Variants in EPS8L1 observed in about 807,000 individuals in gnomAD.
The protein encoded by EPS8L1 is epidermal growth factor receptor kinase substrate 8-like protein 1.
In EPS8L1, 101 loss-of-function variants were observed where a neutral mutation model predicts 91.7. The observed-to-expected ratio is 1.10, with a 90% CI of 0.94 to 1.30. EPS8L1 has a LOEUF of 1.30. Ranked by LOEUF, EPS8L1 falls within the 50% of genes most tolerant of loss-of-function variation. The pLI is 0.00. For missense variants in EPS8L1, 1,114 were observed against 1,017.0 expected (o/e 1.10, Z -1.30); for synonymous variants, 506 against 445.3 (o/e 1.14, Z -1.72).
At position 55,080,164 on chromosome 19, in the gene EPS8L1, G is replaced by A. The variant is rs1195409009; in HGVS notation, c.315G>A (p.Val105=). The A allele has an allele frequency of 3.9e-6, 6 of 1,527,808 alleles. No homozygotes were observed. The South Asian group carries it at 4.9e-5, about 12-fold the overall frequency. The allele number at this position is 1,527,808 out of a possible 1,614,324, so 94.6% of individuals were successfully genotyped here. A position where few individuals can be genotyped will look rare whatever the true frequency, so the allele number is the denominator to read the frequency against. ...AGTCGTACCCACTGGGCGCCATCGTGCGCTGTGACGCGGTGATGCCACCCG... is the reference window on the plus strand; with the variant it reads ...AGTCGTACCCACTGGGCGCCATCGTACGCTGTGACGCGGTGATGCCACCCG... ...ELESYPLGAI[V]RCDAVMPPGR... is the part of the protein sequence containing the mutation. The change falls in exon 6 of 20, where the codon GTG becomes GTA. Residue 105 remains valine, a synonymous_variant. Transcript: ENST00000201647.
At position 55,082,188 on chromosome 19, in the gene EPS8L1, C is replaced by T. The variant is rs1389995713; in HGVS notation, c.990+8C>T. 1.9e-6 allele frequency: 3 copies of T among 1,589,568 alleles called. No individual in the cohort carries two copies. Among genetic ancestry groups the T allele is most frequent in the Non-Finnish European group, 1.7e-6 (2 of 1,167,810 alleles). On this transcript the variant is annotated splice_region_variant and intron_variant, in intron 10 of 19. Coordinates refer to ENST00000201647, the MANE Select transcript of EPS8L1 (RefSeq NM_133180.3). ...TACGCCTTCAGCCTGCTGGTGAGGA[C>T]GCGCCCGCCCCTGGGCCGGGGCGCG...
At chr19:55,086,636 C>CCCCCCCCCCCCCCCCCAGGG in intron 17 of EPS8L1, 78 bp from the exon 18 acceptor site, 32 of 956,854 alleles carry the variant, frequency 3.3e-5, no homozygotes, top group Non-Finnish European at 4.3e-5. Flanking sequence ...CGCTGGAGCG[C>CCCCCCCCCCCCCCCCCAGGG]CCCCCCGCCC....
In EPS8L1 at chr19:55,080,266, C is replaced by T; in HGVS notation, c.417C>T (p.Gly139=). The T allele has an allele frequency of 6.5e-7, 1 of 1,534,014 alleles. No individual in the cohort carries two copies. Among genetic ancestry groups the T allele is most frequent in the Non-Finnish European group, 8.8e-7 (1 of 1,135,834 alleles). Residue 139 remains glycine (G), a synonymous_variant, in exon 6 of 20, where the codon GGC becomes GGT. Transcript: ENST00000201647. ...AGCCCGACGTGCACTTCTTCCAGGGCCTGCGCCTCGGGGTGAGCAGATGGG... is the reference window on the plus strand; with the variant it reads ...AGCCCGACGTGCACTTCTTCCAGGGTCTGCGCCTCGGGGTGAGCAGATGGG... ...RAQPDVHFFQ[G]LRLGAELIRE...
intron 11 of EPS8L1, 48 bp downstream of exon 11, chr19:55,082,397 G>T: frequency 6.2e-7 from 1 of 1,612,392 alleles, no homozygotes. Flanking sequence ...GGGAGGAATC[G>T]GGTTCGACTT....
chr19:55,081,525 G>A lies in EPS8L1; in HGVS notation c.774+33G>A, dbSNP rs1396112290. 1.3e-6 allele frequency: 2 copies of A among 1,526,380 alleles called. No individual in the cohort carries two copies. Among genetic ancestry groups the A allele is most frequent in the East Asian group, 2.3e-5 (1 of 43,220 alleles). The allele number at this position is 1,526,380 out of a possible 1,614,324, so 94.6% of individuals were successfully genotyped here. A position where few individuals can be genotyped will look rare whatever the true frequency, so the allele number is the denominator to read the frequency against. On this transcript the variant is annotated intron_variant, in intron 8 of 19. Coordinates refer to ENST00000201647, the MANE Select transcript of EPS8L1 (RefSeq NM_133180.3). The surrounding 1 kb of genome is among the most constrained non-coding windows in gnomAD (Gnocchi z 4.9). Reference sequence around the variant, plus strand: ...GCTAAGGAAGGGGTCTGGGGGCAGGGCCAGGCGACTGGAGGCGGGGCTAGG... The same window carrying A: ...GCTAAGGAAGGGGTCTGGGGGCAGGACCAGGCGACTGGAGGCGGGGCTAGG...
chr19:55,080,439 T>G (rs977648729), intron 6 of EPS8L1, 161 bp downstream of exon 6: 2 of 1,608,748 alleles, frequency 1.2e-6, no homozygotes. Flanking sequence ...TGGAAGGCAG[T>G]GGGGTTTGAG....
At chr19:55,080,353 G>C (rs79764780) in intron 6 of EPS8L1, 75 bp downstream of exon 6, 56,892 of 1,545,588 alleles carry the variant, frequency 0.037, 1,169 homozygotes, top group Middle Eastern at 0.052. Context: ...AATGGGTGGG[G>C]CCTCTAGGTG....
chr19:55,076,109 A>ATTC (rs2076122739), intron 1 of EPS8L1, among the ~76,000 whole-genome samples, 190 bp downstream of exon 1: 1 of 124,408 alleles, frequency 8.0e-6, no homozygotes. Context: ...GAGGGCCTGG[A>ATTC]CTCCTGGGTC....
Position 55,085,988 on chromosome 19 carries a change from A to G in EPS8L1, c.1518+15A>G. On this transcript the variant is annotated intron_variant, in intron 15 of 19. Transcript: ENST00000201647. ...ACGTACTGGAGGTTAGAGGAGCGGG[A>G]GGCTGAGGGGCAGGAATTAGCCAGC... 1 of 1,608,950 alleles carries G rather than the reference A, an allele frequency of 6.2e-7. No individual in the cohort carries two copies. Among genetic ancestry groups the G allele is most frequent in the Non-Finnish European group, 8.5e-7 (1 of 1,175,756 alleles).
chr19:55,076,366 G>T, intron 1 of EPS8L1, 42 bp from the exon 2 acceptor site: 2 of 1,558,044 alleles, frequency 1.3e-6, no homozygotes, highest in Non-Finnish European at 1.8e-6. Context: ...AGGAATTAGA[G>T]GCTCCTACTG....
Position 55,085,728 on chromosome 19 carries a change from G to C in EPS8L1, c.1386-113G>C, listed in dbSNP as rs1457964832. On this transcript the variant is annotated intron_variant, in intron 14 of 19. Coordinates refer to ENST00000201647, the MANE Select transcript of EPS8L1 (RefSeq NM_133180.3). ...AAATTTCTATTAACAGTATTAACCC[G>C]GCCCCTGCTGTGCCCCCAGCTTGGC... 4.9e-6 allele frequency: 6 copies of C among 1,229,842 alleles called. No individual in the cohort carries two copies. In the Admixed American group the frequency reaches 1.1e-4, roughly 23 times the overall value. The allele number at this position is 1,229,842 out of a possible 1,614,324, so 76.2% of individuals were successfully genotyped here.
At chr19:55,077,829 C>T (rs1249307387) in intron 2 of EPS8L1, among the ~76,000 whole-genome samples, 4 of 150,900 alleles carry the variant, frequency 2.7e-5, no homozygotes, top group Non-Finnish European at 4.4e-5. Context: ...CTTTGTGATC[C>T]GCCCACCTCT....
chr19:55,086,353 C>G (rs1218686378), intron 16 of EPS8L1, 39 bp from the exon 17 acceptor site: 1 of 1,599,736 alleles, frequency 6.3e-7, no homozygotes, highest in Admixed American at 1.7e-5. Context: ...ACTCTGAGTC[C>G]TCTCCCTAAC....
In EPS8L1 at chr19:55,080,364, G is replaced by A. The variant is rs557321930; in HGVS notation, c.429+86G>A. On this transcript the variant is annotated intron_variant, in intron 6 of 19. Coordinates refer to ENST00000201647, the MANE Select transcript of EPS8L1 (RefSeq NM_133180.3). ...CGGAAATGGGTGGGGCCTCTAGGTG[G>A]GGCGGGGCCTGGGGCTAAGGCGGGA... 41 of 1,548,972 alleles carry A rather than the reference G, an allele frequency of 2.6e-5. No homozygotes were observed. The African/African-American group carries it at 5.6e-4, about 21-fold the overall frequency.
Position 55,083,236 on chromosome 19 carries a change from G to GGC in EPS8L1, c.1215-141_1215-140dup, listed in dbSNP as rs2076308304. 8.7e-7 allele frequency: 1 copy of GGC among 1,144,400 alleles called. No homozygotes were observed. Among genetic ancestry groups the GGC allele is most frequent in the Non-Finnish European group, 1.2e-6 (1 of 803,274 alleles). The allele number at this position is 1,144,400 out of a possible 1,614,324, so 70.9% of individuals were successfully genotyped here. ...CTGTTGAGTTGGGCTTAGAGCTACC[G>GGC]GCAGGACTTGGTGAAAAGTGGCGGG... On this transcript the variant is annotated intron_variant, in intron 12 of 19. Transcript: ENST00000201647. The surrounding 1 kb of genome is among the most constrained non-coding windows in gnomAD (Gnocchi z 4.7).
rs781485478 is a variant in EPS8L1, at chr19:55,087,490, G to C, written c.2086-38G>C. On this transcript the variant is annotated intron_variant, in intron 19 of 19. Transcript: ENST00000201647. ...GGTAGGGTTGGGATGACGAGGGCTC[G>C]GACGCCAGGACAAAGCGATTTCCAC... is the stretch of plus-strand genomic sequence containing the variant. 2 of 1,614,162 alleles carry C rather than the reference G, an allele frequency of 1.2e-6. 1 individual carries two copies. Among genetic ancestry groups the C allele is most frequent in the South Asian group, 2.2e-5 (2 of 91,070 alleles).
intron 17 of EPS8L1, 77 bp from the exon 18 acceptor site, chr19:55,086,637 C>CG: frequency 7.3e-7 from 1 of 1,374,364 alleles, no homozygotes; most frequent in Non-Finnish European, 1.0e-6. Context: ...GCTGGAGCGC[C>CG]CCCCCGCCCC....
At position 55,087,413 on chromosome 19, in the gene EPS8L1, C is replaced by T; in HGVS notation, c.2063C>T (p.Thr688Ile). 1.2e-6 allele frequency: 2 copies of T among 1,614,102 alleles called. No individual in the cohort carries two copies. The highest frequency in any genetic ancestry group is 1.7e-6 in the Non-Finnish European group (2 of 1,180,014). ...GGGGCACGTGTGTACAGCCAGGTCACCGTGCAGCGCTCGCTGCTGGAGGTG... is the reference window on the plus strand; with the variant it reads ...GGGGCACGTGTGTACAGCCAGGTCATCGTGCAGCGCTCGCTGCTGGAGGTG... ...EEGARVYSQVTVQRSLLEDKE... is the reference protein window; with the variant it reads ...EEGARVYSQVIVQRSLLEDKE... Residue 688 changes from threonine to isoleucine, a missense_variant, in exon 19 of 20, where the codon ACC becomes ATC. Thr to Ile is a moderately conservative substitution (Grantham distance 89, BLOSUM62 -1). Transcript: ENST00000201647.
intron 18 of EPS8L1, 147 bp from the exon 19 acceptor site, chr19:55,087,156 T>C (rs759456827): frequency 7.9e-7 from 1 of 1,265,228 alleles, no homozygotes. Flanking sequence ...TTGTGATTGG[T>C]GGGTGGGGTT....
Sources: gnomAD v4.1 joint callset for allele counts (sites outside exome capture counted in the v4.1 genomes callset) on GRCh38, gnomAD v4.1.1 for gene constraint, Gnocchi (gnomAD v3.1) non-coding constraint, MANE v1.5 for transcripts, NCBI Gene and HGNC (gene_info 2026-07-23, HGNC 2026-07-21) for gene names.